Variants in BTD observed in about 807,000 individuals in gnomAD.
BTD encodes biocytinase.
In BTD, 13 loss-of-function variants were observed where a neutral mutation model predicts 17.7. The ratio of observed to expected loss-of-function variants is 0.74; its 90% CI spans 0.48 to 1.17. The LOEUF is 1.17. Ranked by LOEUF, BTD falls within the 50% of genes most tolerant of loss-of-function variation. BTD has a pLI of 0.00. For missense variants in BTD, 674 were observed against 650.4 expected (o/e 1.04, Z -0.39); for synonymous variants, 240 against 245.2 (o/e 0.98, Z 0.20).
chr3:15,631,352 G>T lies in BTD; in HGVS notation c.-16-4072G>T, dbSNP rs28758269. The T allele has an allele frequency of 0.013, 13,030 of 1,014,674 alleles. 626 individuals carry two copies. In the African/African-American group the frequency reaches 0.14, roughly 11 times the overall value. The allele number at this position is 1,014,674 out of a possible 1,614,324, so 62.9% of individuals were successfully genotyped here. A position where few individuals can be genotyped will look rare whatever the true frequency, so the allele number is the denominator to read the frequency against. ...AAAGATGTTTTATTTATCTTTTAAA[G>T]ATTTTTTAATGTATGTATCTGCCTC... On this transcript the variant is annotated intron_variant, in intron 1 of 3. Transcript: ENST00000643237.
intron 3 of BTD, chr3:15,694,633 A>T: frequency 1.2e-6 from 1 of 840,484 alleles, no homozygotes; most frequent in Non-Finnish European, 1.9e-6. Flanking sequence ...GATAACTATT[A>T]CATGGACCAA....
chr3:15,657,494 C>G (rs1278435264), downstream of BTD, among the ~76,000 whole-genome samples: 2 of 107,990 alleles, frequency 1.9e-5, no homozygotes, highest in Non-Finnish European at 4.5e-5. Context: ...CAATGCCCCC[C>G]AGAGCTGTAT....
intron 2 of BTD, among the ~76,000 whole-genome samples, chr3:15,637,313 C>T (rs530104445): frequency 1.3e-5 from 2 of 152,110 alleles, no homozygotes; most frequent in African/African-American, 4.8e-5. Flanking sequence ...CTGTCGCATT[C>T]TAGATGTTGT....
intron 3 of BTD, among the ~76,000 whole-genome samples, chr3:15,688,793 C>T (rs1575157531): frequency 6.6e-6 from 1 of 152,278 alleles, no homozygotes; most frequent in South Asian, 2.1e-4. Context: ...TATAGACCTT[C>T]GTATTTTAAC....
intron 3 of BTD, chr3:15,707,971 T>C (rs2071684826): frequency 1.2e-6 from 2 of 1,612,998 alleles, no homozygotes; most frequent in South Asian, 2.2e-5. Flanking sequence ...GTGTGCAGCC[T>C]CTTTCATCAA....
chr3:15,720,186 A>C (rs2073549332), intron 4 of BTD, among the ~76,000 whole-genome samples: 1 of 152,064 alleles, frequency 6.6e-6, no homozygotes, highest in Non-Finnish European at 1.5e-5. Context: ...TAATTCTAAA[A>C]TCCAAATGCT....
At chr3:15,602,271 C>G in intron 1 of BTD, 1 of 1,229,838 alleles carries the variant, frequency 8.1e-7, no homozygotes, top group Non-Finnish European at 1.0e-6. Flanking sequence ...ACCCACTATT[C>G]AGCCATTGGG....
chr3:15,692,144 TAAAAAAAAAA>T (rs908039642), intron 3 of BTD, among the ~76,000 whole-genome samples: 19 of 98,900 alleles, frequency 1.9e-4, no homozygotes, highest in African/African-American at 8.2e-4. Flanking sequence ...TATCTCTAAA[TAAAAAAAAAA>T]AAAAAAAAAA....
chr3:15,720,700 C>CTT (rs2073631748), intron 4 of BTD, among the ~76,000 whole-genome samples: 1 of 147,076 alleles, frequency 6.8e-6, no homozygotes, highest in African/African-American at 2.7e-5. Context: ...TCTGGAACCC[C>CTT]ATATAAATGG....
intron 3 of BTD, chr3:15,675,928 CT>C: frequency 6.2e-7 from 1 of 1,613,064 alleles, no homozygotes. Context: ...ACACTTGCTC[CT>C]TTTCCCAAAA....
chr3:15,627,911 G>T (rs908033350), intron 1 of BTD, among the ~76,000 whole-genome samples: 6 of 152,056 alleles, frequency 3.9e-5, no homozygotes, highest in Non-Finnish European at 8.8e-5. Flanking sequence ...TAGTAGAGTT[G>T]GGGTTTCACC....
At chr3:15,663,421 C>T (rs529560695) in intron 3 of BTD, among the ~76,000 whole-genome samples, 1 of 152,296 alleles carries the variant, frequency 6.6e-6, no homozygotes, top group South Asian at 2.1e-4. Context: ...TTTCACCCTG[C>T]GTGTTCAGTA....
At chr3:15,720,806 T>C (rs2073647099) in intron 4 of BTD, 2 of 962,196 alleles carry the variant, frequency 2.1e-6, no homozygotes, top group Non-Finnish European at 3.1e-6. Flanking sequence ...GATTTATCCA[T>C]GTTCTTGAGT....
chr3:15,621,397 G>A (rs964759342), intron 1 of BTD, among the ~76,000 whole-genome samples: 1 of 152,206 alleles, frequency 6.6e-6, no homozygotes, highest in Admixed American at 6.5e-5. Context: ...TCTTCTGGAA[G>A]ACATAGTAGA....
rs2065438932 is a variant in BTD, at chr3:15,639,291, C to CCGTT, written c.250-2616_250-2615insGTTC. Among the ~76,000 whole-genome samples, 4 of 151,100 alleles carry CCGTT rather than the reference C, an allele frequency of 2.6e-5. No individual in the cohort carries two copies. The South Asian group carries it at 8.4e-4, about 32-fold the overall frequency. Reference sequence around the variant, plus strand: ...TTTAAATGTTATTCTCCATGAAAAACCAAAGTTTTGTTTTTAATAAAGAAA... The same window carrying CCGTT: ...TTTAAATGTTATTCTCCATGAAAAACCGTTCAAAGTTTTGTTTTTAATAAAGAAA... On this transcript the variant is annotated intron_variant, in intron 2 of 3. Transcript: ENST00000643237.
intron 3 of BTD, among the ~76,000 whole-genome samples, chr3:15,685,786 T>G (rs939622491): frequency 6.6e-6 from 1 of 152,216 alleles, no homozygotes; most frequent in Non-Finnish European, 1.5e-5. Flanking sequence ...ACTAAAAGTT[T>G]TAGAGTTTTA....
intron 4 of BTD, among the ~76,000 whole-genome samples, chr3:15,719,251 A>T (rs2073426018): frequency 6.6e-6 from 1 of 152,146 alleles, no homozygotes; most frequent in South Asian, 2.1e-4. Flanking sequence ...GTCAGAATTG[A>T]CCCGTGGCAT....
At chr3:15,714,536 A>AAG (rs2126096311), downstream of BTD, 1 of 1,445,254 alleles carries the variant, frequency 6.9e-7, no homozygotes, top group Non-Finnish European at 9.3e-7. Flanking sequence ...ATTTAAGAAA[A>AAG]AAAAAAAAAA....
chr3:15,602,180 A>G, intron 1 of BTD: 1 of 1,402,764 alleles, frequency 7.1e-7, no homozygotes, highest in Non-Finnish European at 9.3e-7. Context: ...CCAGAAGCAG[A>G]TGTGTACCCC....
Sources: allele counts gnomAD v4.1 joint callset (sites outside exome capture counted in the v4.1 genomes callset), GRCh38; gene constraint gnomAD v4.1.1; transcripts MANE v1.5; gene names NCBI Gene and HGNC (gene_info 2026-07-23, HGNC 2026-07-21).